NSUN6: variants seen among roughly 807,000 people sequenced by gnomAD.
NSUN6 encodes tRNA (cytosine(72)-C(5))-methyltransferase NSUN6.
Under a neutral mutation model 58.0 loss-of-function variants are expected in NSUN6, and 64 were observed. That is an observed-to-expected ratio of 1.10 (90% CI 0.90 to 1.36). The LOEUF is 1.36. Ranked by LOEUF, NSUN6 falls within the 40% of genes most tolerant of loss-of-function variation. The pLI, the probability that NSUN6 is intolerant of heterozygous loss-of-function variation, is 0.00. For synonymous variants in NSUN6, 231 were observed against 193.9 expected (o/e 1.19, Z -1.59); for missense variants, 701 against 550.1 (o/e 1.27, Z -2.74).
At chr10:18,552,923 G>A (rs940513798) in intron 8 of NSUN6, among the ~76,000 whole-genome samples, 10 of 121,720 alleles carry the variant, frequency 8.2e-5, no homozygotes, top group Non-Finnish European at 1.5e-4. Flanking sequence ...CACTACACTC[G>A]ACTCTCCATT....
At chr10:18,653,213 T>C (rs937846669), upstream of NSUN6, 1 of 984,706 alleles carries the variant, frequency 1.0e-6, no homozygotes, top group Non-Finnish European at 1.2e-6. Context: ...CACCACTATG[T>C]ACCCAAGCCT....
chr10:18,578,759 A>G (rs2131048032), intron 8 of NSUN6, among the ~76,000 whole-genome samples: 1 of 152,308 alleles, frequency 6.6e-6, no homozygotes, highest in East Asian at 1.9e-4. Flanking sequence ...GCTACCTGAA[A>G]GCCCACAAGC....
At chr10:18,549,970 T>C (rs1455133118) in intron 9 of NSUN6, among the ~76,000 whole-genome samples, 1 of 152,212 alleles carries the variant, frequency 6.6e-6, no homozygotes, top group Non-Finnish European at 1.5e-5. Flanking sequence ...GCTACTCAGA[T>C]ATAGAAAACA....
intron 8 of NSUN6, among the ~76,000 whole-genome samples, chr10:18,566,151 T>C (rs975713291): frequency 7.4e-6 from 1 of 135,152 alleles, no homozygotes; most frequent in Non-Finnish European, 1.7e-5. Flanking sequence ...CATTCCATTC[T>C]CCATTCCATT....
At position 18,641,801 on chromosome 10, in the gene NSUN6, G is replaced by C. The variant is rs375704938; in HGVS notation, c.311+675C>G. Among the ~76,000 whole-genome samples, 4 of 152,308 alleles carry C rather than the reference G, an allele frequency of 2.6e-5. No homozygotes were observed. In the East Asian group the frequency reaches 5.8e-4, roughly 22 times the overall value. On this transcript the variant is annotated intron_variant, in intron 3 of 10. Coordinates refer to ENST00000377304, the MANE Select transcript of NSUN6 (RefSeq NM_182543.5). ...AAAATTTTACAGGCTGGGCAACGTG[G>C]CTCACATCAGTAATCCCAATACTTT...
At chr10:18,606,839 A>G (rs1219264939) in intron 6 of NSUN6, among the ~76,000 whole-genome samples, 2 of 152,202 alleles carry the variant, frequency 1.3e-5, no homozygotes, top group Non-Finnish European at 2.9e-5. Context: ...ATACATACAA[A>G]TTCACTGCAG....
chr10:18,597,556 G>A (rs1282217199), intron 6 of NSUN6, among the ~76,000 whole-genome samples: 4 of 152,222 alleles, frequency 2.6e-5, no homozygotes, highest in African/African-American at 7.2e-5. Context: ...GATTGCCTGA[G>A]GTCGGGAGTT....
intron 5 of NSUN6, among the ~76,000 whole-genome samples, chr10:18,613,045 CG>C (rs1554875742): frequency 1.3e-5 from 2 of 152,128 alleles, no homozygotes; most frequent in Non-Finnish European, 2.9e-5. Flanking sequence ...CTTCTTCCAC[CG>C]GAAGAGACAA....
At chr10:18,608,359 G>C (rs2058112290) in intron 6 of NSUN6, among the ~76,000 whole-genome samples, 1 of 152,120 alleles carries the variant, frequency 6.6e-6, no homozygotes. Context: ...ATAATGACCA[G>C]GCATGGTGGC....
At chr10:18,551,244 T>TGTGTGTG (rs1554847994) in intron 9 of NSUN6, among the ~76,000 whole-genome samples, 1 of 127,080 alleles carries the variant, frequency 7.9e-6, no homozygotes, top group Non-Finnish European at 1.6e-5. Flanking sequence ...GTCCTCTCAG[T>TGTGTGTG]TGTGTGTGTG....
chr10:18,651,336 G>A lies in NSUN6; in HGVS notation c.-133C>T. On this transcript the variant is annotated 5_prime_UTR_variant, in exon 1 of 11. Transcript: ENST00000377304. ...AGGAAAATCTTGCCGATCACGCTGA[G>A]TTAATTTCGGAAATGCAGAGGTACA... 1 of 1,395,330 alleles carries A rather than the reference G, an allele frequency of 7.2e-7. No homozygotes were observed. The highest frequency in any genetic ancestry group is 9.3e-7 in the Non-Finnish European group (1 of 1,080,636). 86.4% of individuals were successfully genotyped at this position (1,395,330 alleles called of 1,614,324 possible).
rs201737327 is a variant in NSUN6 at position 18,635,070 on chromosome 10, T to G, written c.311+7406A>C. Among the ~76,000 whole-genome samples the G allele has an allele frequency of 2.2e-4, 33 of 152,312 alleles. No homozygotes were observed. The East Asian group carries it at 6.0e-3, about 28-fold the overall frequency. On this transcript the variant is annotated intron_variant, in intron 3 of 10. Transcript: ENST00000377304. ...AACACCTGCTTTCCTTTTGGGAGTCTGGGGATTTTGGTATGTGCTACGCAG... is the reference window on the plus strand; with the variant it reads ...AACACCTGCTTTCCTTTTGGGAGTCGGGGGATTTTGGTATGTGCTACGCAG...
intron 3 of NSUN6, among the ~76,000 whole-genome samples, chr10:18,641,462 C>A (rs1482927686): frequency 6.6e-6 from 1 of 151,624 alleles, no homozygotes; most frequent in African/African-American, 2.4e-5. Flanking sequence ...ACCTCCCAGG[C>A]TCAAATGATC....
chr10:18,551,975 T>C lies in NSUN6; in HGVS notation c.923-4A>G, dbSNP rs777663827. 2 of 1,578,512 alleles carry C rather than the reference T, an allele frequency of 1.3e-6. No homozygotes were observed. The highest frequency in any genetic ancestry group is 8.7e-7 in the Non-Finnish European group (1 of 1,150,718). The stretch of plus-strand genomic sequence containing the variant: ...TCTGGTAGAAATGGAGGTTCTCCTA[T>C]AAAGAGAATTATAATCATGTTTACT... On this transcript the variant is annotated splice_region_variant and splice_polypyrimidine_tract_variant and intron_variant, in intron 8 of 10. Transcript: ENST00000377304.
At chr10:18,650,534 A>G (rs1476843247) in intron 1 of NSUN6, among the ~76,000 whole-genome samples, 4 of 152,206 alleles carry the variant, frequency 2.6e-5, no homozygotes, top group African/African-American at 9.7e-5. Context: ...TAGAATGCAA[A>G]TCATGTGCCT....
intron 8 of NSUN6, among the ~76,000 whole-genome samples, chr10:18,569,858 GCATTCCATTCCATTCTC>G (rs1296289285): frequency 1.4e-4 from 17 of 121,638 alleles, no homozygotes; most frequent in African/African-American, 3.1e-4. Context: ...ATCCCATTCC[GCATTCCATTCCATTCTC>G]CATTCCATTC....
chr10:18,620,948 C>T (rs2058584321), intron 3 of NSUN6, among the ~76,000 whole-genome samples: 1 of 152,162 alleles, frequency 6.6e-6, no homozygotes, highest in South Asian at 2.1e-4. Context: ...AATTCTGGAA[C>T]AGAGAACTGT....
chr10:18,654,348 T>C (rs1163836478), upstream of NSUN6, among the ~76,000 whole-genome samples: 1 of 152,214 alleles, frequency 6.6e-6, no homozygotes, highest in Non-Finnish European at 1.5e-5. Flanking sequence ...CATGCCTCTT[T>C]TACTTGCCAA....
Position 18,551,712 on chromosome 10 carries a change from T to G in NSUN6, c.1071+111A>C, listed in dbSNP as rs926750895. 4.8e-6 allele frequency: 4 copies of G among 828,266 alleles called. No individual in the cohort carries two copies. The African/African-American group carries it at 5.1e-5, about 11-fold the overall frequency. The allele number at this position is 828,266 out of a possible 1,614,324, so 51.3% of individuals were successfully genotyped here. ...ATCTGTCAACAGACTCTTGGGTTGT[T>G]CCCACCTTTTGGCTATTGTAATGAA... On this transcript the variant is annotated intron_variant, in intron 9 of 10. Transcript: ENST00000377304.
Sources: allele counts gnomAD v4.1 joint callset (sites outside exome capture counted in the v4.1 genomes callset), GRCh38; gene constraint gnomAD v4.1.1; transcripts MANE v1.5; gene names NCBI Gene and HGNC (gene_info 2026-07-23, HGNC 2026-07-21).